Variants in TANC2 observed in about 807,000 individuals in gnomAD.
TANC2 encodes tetratricopeptide repeat, ankyrin repeat and coiled-coil containing 2.
A neutral mutation model predicts 210.5 loss-of-function variants in TANC2; 26 were observed. The ratio of observed to expected loss-of-function variants is 0.12; its 90% confidence interval spans 0.09 to 0.17. The LOEUF (loss-of-function observed/expected upper bound fraction) is 0.17, where lower values mean the gene tolerates loss of function less well. Among genes scored for constraint, TANC2 ranks in the 10% least tolerant of loss-of-function variants. The pLI is 1.00. For synonymous variants in TANC2, 931 were observed against 967.1 expected, an observed-to-expected ratio of 0.96 and a Z score of 0.69; for missense variants, 2,129 against 2,608.9, an observed-to-expected ratio of 0.82 and a Z score of 4.01.
chr17:63,085,431 C>CA (rs999941770), intron 3 of TANC2, among the ~76,000 whole-genome samples: 13 of 151,898 alleles, frequency 8.6e-5, no homozygotes, highest in Admixed American at 6.6e-4. Context: ...TGTTTTAATT[C>CA]AAAATTTTAT....
At chr17:63,209,713 G>A (rs913910431) in intron 7 of TANC2, among the ~76,000 whole-genome samples, 1 of 152,096 alleles carries the variant, frequency 6.6e-6, no homozygotes, top group African/African-American at 2.4e-5. Flanking sequence ...GATTACAGGC[G>A]TGAGCCACTG....
chr17:63,280,504 CT>C (rs1567877834), intron 9 of TANC2, among the ~76,000 whole-genome samples: 1 of 152,026 alleles, frequency 6.6e-6, no homozygotes, highest in Admixed American at 6.6e-5. Flanking sequence ...TTTCCCTCCT[CT>C]TTTTAAAAGA....
chr17:63,385,995 C>G (rs955487352), intron 15 of TANC2, among the ~76,000 whole-genome samples: 1 of 152,180 alleles, frequency 6.6e-6, no homozygotes, highest in Non-Finnish European at 1.5e-5. Context: ...TAGCACCATC[C>G]TTCCTCATTT....
intron 8 of TANC2, among the ~76,000 whole-genome samples, chr17:63,253,333 G>T (rs992849098): frequency 6.6e-6 from 1 of 152,034 alleles, no homozygotes. Flanking sequence ...TATACATTCT[G>T]CTTATTAATC....
intron 9 of TANC2, among the ~76,000 whole-genome samples, chr17:63,271,659 T>C (rs2043714316): frequency 7.0e-6 from 1 of 143,340 alleles, no homozygotes; most frequent in Non-Finnish European, 1.5e-5. Flanking sequence ...CCTCCCTGTG[T>C]CTGTGTGTTC....
At chr17:63,286,610 G>T (rs2044229270) in intron 9 of TANC2, among the ~76,000 whole-genome samples, 1 of 152,082 alleles carries the variant, frequency 6.6e-6, no homozygotes, top group Non-Finnish European at 1.5e-5. Context: ...TTAAACTTGA[G>T]GTTTATTGAA....
chr17:62,990,434 T>C (rs535076542), intron 1 of TANC2, among the ~76,000 whole-genome samples: 4 of 151,940 alleles, frequency 2.6e-5, no homozygotes, highest in South Asian at 2.1e-4. Context: ...GTACCATCAT[T>C]GCTGGCTAAT....
intron 5 of TANC2, among the ~76,000 whole-genome samples, chr17:63,166,309 CAGAGAGAGAG>C (rs143389476): frequency 1.2e-4 from 18 of 149,454 alleles, no homozygotes; most frequent in African/African-American, 4.4e-4. Flanking sequence ...CTAGATAGCA[CAGAGAGAGAG>C]AGAGAGAGAG....
rs1443733714 is a variant in TANC2 at position 63,220,738 on chromosome 17, GTA to G, written c.770-17066_770-17065del. ...AAAAAAAATATATATATATATATAT[GTA>G]TATATATATGTGTATATACGTGTAT... On this transcript the variant is annotated intron_variant, in intron 7 of 27. Transcript: ENST00000689528. Among the ~76,000 whole-genome samples, 166 of 132,230 alleles carry G rather than the reference GTA, an allele frequency of 1.3e-3. 3 individuals are homozygous for G. The East Asian group carries it at 0.031, about 25-fold the overall frequency. The allele number at this position is 132,230 out of a possible 152,430, so 86.7% of individuals were successfully genotyped here.
At chr17:63,253,830 G>T (rs1423236313) in intron 8 of TANC2, among the ~76,000 whole-genome samples, 1 of 151,860 alleles carries the variant, frequency 6.6e-6, no homozygotes, top group Non-Finnish European at 1.5e-5. Context: ...GTTGTTTTTG[G>T]TAGAGACAGG....
At chr17:63,076,187 A>C (rs925890676) in intron 3 of TANC2, among the ~76,000 whole-genome samples, 10 of 152,284 alleles carry the variant, frequency 6.6e-5, no homozygotes, top group Middle Eastern at 3.4e-3. Context: ...AGCTGGGCAA[A>C]TGCTGAACTC....
chr17:63,053,903 C>G (rs1282040138), intron 2 of TANC2, among the ~76,000 whole-genome samples: 1 of 152,204 alleles, frequency 6.6e-6, no homozygotes, highest in Non-Finnish European at 1.5e-5. Context: ...CTTCTCACTA[C>G]CTCCACTAAC....
At chr17:63,054,845 A>T (rs1374318975) in intron 2 of TANC2, among the ~76,000 whole-genome samples, 1 of 152,222 alleles carries the variant, frequency 6.6e-6, no homozygotes, top group African/African-American at 2.4e-5. Context: ...CCTGAATAGT[A>T]AAACTTTAAT....
At chr17:63,339,260 A>G (rs1195985446) in intron 11 of TANC2, among the ~76,000 whole-genome samples, 1 of 152,210 alleles carries the variant, frequency 6.6e-6, no homozygotes, top group Non-Finnish European at 1.5e-5. Context: ...TACACAGTCC[A>G]ATCCCTTTTC....
At chr17:63,339,696 A>G (rs1302388527) in intron 11 of TANC2, among the ~76,000 whole-genome samples, 2 of 152,082 alleles carry the variant, frequency 1.3e-5, no homozygotes, top group Non-Finnish European at 2.9e-5. Flanking sequence ...TTTTTCTTGG[A>G]TTATTTTATT....
rs749401189 is a variant in TANC2, at chr17:63,421,494, A to G, written c.5764A>G (p.Thr1922Ala). The G allele has an allele frequency of 1.2e-6, 2 of 1,613,782 alleles. No homozygotes were observed. Among genetic ancestry groups the G allele is most frequent in the African/African-American group, 2.7e-5 (2 of 74,886 alleles). Residue 1922 changes from threonine to alanine, a missense_variant, in exon 28 of 28, where the codon ACC becomes GCC. Around this residue, in one of 5 missense-constraint regions of TANC2, gnomAD observed 584 missense variants for 627.3 expected, o/e 0.93. Coordinates refer to ENST00000689528, the Ensembl canonical transcript of TANC2. The surrounding 1 kb of genome is among the most constrained non-coding windows in gnomAD (Gnocchi z 6.9). ...TCAAGGAGGTTACCCCAGTGAGCCC[A>G]CCCGATCCAGGACCACACCATTCAT... is the stretch of plus-strand genomic sequence containing the variant.
In TANC2 at chr17:63,055,628, C is replaced by G. The variant is rs1046797690; in HGVS notation, c.68-18315C>G. On this transcript the variant is annotated intron_variant, in intron 2 of 27. Transcript: ENST00000689528. ...TCTATTTCCTGTACTCTGGGGTAATCAGTATTATGCAAACATCTTCACTTT... is the reference window on the plus strand; with the variant it reads ...TCTATTTCCTGTACTCTGGGGTAATGAGTATTATGCAAACATCTTCACTTT... Among the ~76,000 whole-genome samples, 24 of 148,678 alleles carry G rather than the reference C, an allele frequency of 1.6e-4. 1 individual carries two copies. The highest frequency in any genetic ancestry group is 8.9e-5 in the Non-Finnish European group (6 of 67,592).
intron 2 of TANC2, among the ~76,000 whole-genome samples, chr17:63,072,251 A>G (rs562160282): frequency 2.0e-5 from 3 of 152,232 alleles, no homozygotes; most frequent in African/African-American, 4.8e-5. Context: ...AAAAGAATCC[A>G]TATTTATAGA....
At chr17:63,176,798 T>TC (rs1179658653) in intron 5 of TANC2, among the ~76,000 whole-genome samples, 3 of 96,218 alleles carry the variant, frequency 3.1e-5, no homozygotes, top group African/African-American at 5.3e-5. Context: ...AGAGCAAGAC[T>TC]CCATCTCAAA....
Sources: allele counts gnomAD v4.1 joint callset (sites outside exome capture counted in the v4.1 genomes callset), GRCh38; gene constraint gnomAD v4.1.1; regional missense constraint gnomAD v4.1.1; non-coding constraint Gnocchi (gnomAD v3.1); transcripts MANE v1.5; gene names NCBI Gene and HGNC (gene_info 2026-07-23, HGNC 2026-07-21).